The following BAG6 variants were observed in gnomAD, a reference collection of about 807,000 sequenced individuals.
BAG6 encodes BAG cochaperone 6, also known as large proline-rich protein BAG6.
In BAG6, 22 loss-of-function variants were observed where a neutral mutation model predicts 121.0. The observed-to-expected ratio is 0.18, with a 90% CI of 0.13 to 0.26. The LOEUF is 0.26. Ranked by LOEUF, BAG6 falls within the 10% of genes least tolerant of loss-of-function variation. The pLI is 1.00. For missense variants in BAG6, 1,233 were observed against 1,537.7 expected, an observed-to-expected ratio of 0.80 and a Z score of 3.31; for synonymous variants, 583 against 584.6, an observed-to-expected ratio of 1.00 and a Z score of 0.04.
At position 31,644,882 on chromosome 6, in the gene BAG6, A is replaced by G; in HGVS notation, c.1369+64T>C. 6.5e-7 allele frequency: 1 copy of G among 1,535,882 alleles called. No homozygotes were observed. The highest frequency in any genetic ancestry group is 8.8e-7 in the Non-Finnish European group (1 of 1,142,050). On this transcript the variant is annotated intron_variant, in intron 10 of 25. Coordinates refer to ENST00000676615, the MANE Select transcript of BAG6 (RefSeq NM_001387994.1). This position sits in a 1 kb window ranked among gnomAD's most constrained non-coding sequence, Gnocchi z 4.9. ...TCTCCCTTCCCCACCCTGTTCCCTC[A>G]CACCTCAGCATGAACCTCCCTCATC...
Position 31,639,123 on chromosome 6 carries a change from G to A in BAG6, c.*8C>T. The A allele has an allele frequency of 7.2e-7, 1 of 1,389,886 alleles. No individual in the cohort carries two copies. Among genetic ancestry groups the A allele is most frequent in the South Asian group, 1.2e-5 (1 of 85,520 alleles). The allele number at this position is 1,389,886 out of a possible 1,614,324, so 86.1% of individuals were successfully genotyped here. On this transcript the variant is annotated 3_prime_UTR_variant, in exon 26 of 26. Coordinates refer to ENST00000676615, the MANE Select transcript of BAG6 (RefSeq NM_001387994.1). ...TCCCCTGATGAGGAAGGGCCATAGA[G>A]CAAAGAGCTAAGGATCATCAGCAAA...
At chr6:31,651,844 G>C in intron 1 of BAG6, 68 bp from the exon 2 acceptor site, 1 of 1,175,366 alleles carries the variant, frequency 8.5e-7, no homozygotes. Context: ...AGACTCCCTA[G>C]CATTAATCCC....
Position 31,644,271 on chromosome 6 carries a change from G to A in BAG6, c.1555+36C>T. On this transcript the variant is annotated intron_variant, in intron 12 of 25. Transcript: ENST00000676615. The surrounding 1 kb of genome is among the most constrained non-coding windows in gnomAD (Gnocchi z 4.9). ...CCAGCCAGCTGCCACCATGGACTGT[G>A]CCCTACCTCCCAAGCCTCCCCTTCC... 6.4e-7 allele frequency: 1 copy of A among 1,557,424 alleles called. No individual in the cohort carries two copies.
rs745477206 is a variant in BAG6, at chr6:31,649,357, G to C, written c.265C>G (p.Pro89Ala). The C allele has an allele frequency of 6.2e-7, 1 of 1,610,478 alleles. No individual in the cohort carries two copies. Among genetic ancestry groups the C allele is most frequent in the East Asian group, 2.2e-5 (1 of 44,864 alleles). Residue 89 changes from proline (P) to alanine (A), a missense_variant, in exon 4 of 26, where the codon CCT (proline) becomes GCT (alanine). Physicochemically the swap from Pro to Ala is conservative, Grantham distance 27 (BLOSUM62 -1). Around this residue, in one of 7 missense-constraint regions of BAG6, gnomAD observed 777 missense variants for 861.4 expected, o/e 0.90. Coordinates refer to ENST00000676615, the MANE Select transcript of BAG6 (RefSeq NM_001387994.1). ...CCAGAAGGGAGGTGAGTCTGAGGAG[G>C]AGCCCGTTCCACCAGGTGGATAACC... ...GKVIHLVERA[P>A]PQTHLPSGAS...
chr6:31,642,636 T>C (rs1389528536), intron 15 of BAG6, 193 bp downstream of exon 15: 13 of 738,404 alleles, frequency 1.8e-5, no homozygotes, highest in Non-Finnish European at 2.4e-5. Context: ...CTAATTACTA[T>C]ACTTTCTTTT....
chr6:31,639,557 G>C lies in BAG6; in HGVS notation c.3336C>G (p.Pro1112=). 1.9e-6 allele frequency: 3 copies of C among 1,614,134 alleles called. No individual in the cohort carries two copies. The South Asian group carries it at 3.3e-5, about 18-fold the overall frequency. The change falls in exon 25 of 26, where the codon CCC becomes CCG. Residue 1112 remains proline, a synonymous_variant. Transcript: ENST00000676615. ...CCTCCAGGTCCCGGCTCAGGCTCTC[G>C]GGGCTCGTCAGGGGCCGAGCTCCGG... ...KAAGARPLTS[P]ESLSRDLEAP...
chr6:31,643,439 G>C (rs1228304963), intron 14 of BAG6, among the ~76,000 whole-genome samples: 1 of 150,368 alleles, frequency 6.7e-6, no homozygotes, highest in Non-Finnish European at 1.5e-5. Context: ...AAAGAAAAAA[G>C]CTGGCCGGGC....
rs763307225 is a variant in BAG6 at position 31,639,527 on chromosome 6, T to C, written c.3366A>G (p.Pro1122=). Residue 1122 remains proline, a synonymous_variant, in exon 25 of 26, where the codon CCA becomes CCG. Transcript: ENST00000676615. ...PESLSRDLEA[P]EVQESYRQQL... is the part of the protein sequence containing the mutation. ...GCTGCCTGTAGCTCTCCTGAACCTC[T>C]GGTGCCTCCAGGTCCCGGCTCAGGC... 64 of 1,614,130 alleles carry C rather than the reference T, an allele frequency of 4.0e-5. No individual in the cohort carries two copies. The highest frequency in any genetic ancestry group is 2.2e-4 in the South Asian group (20 of 91,072).
Position 31,645,472 on chromosome 6 carries a change from C to G in BAG6, c.1051G>C (p.Val351Leu). 6.2e-7 allele frequency: 1 copy of G among 1,613,116 alleles called. No individual in the cohort carries two copies. Among genetic ancestry groups the G allele is most frequent in the Non-Finnish European group, 8.5e-7 (1 of 1,180,038 alleles). ...GTGTAGTGAGACATAGGCCGGACCA[C>G]ATGCAGGTGTCGTGGGGGCGTGCAG... ...LACTPPRHLH[V>L]VRPMSHYTTP... The change falls in exon 9 of 26, where the codon GTG becomes CTG. Residue 351 changes from valine to leucine, a missense_variant. Val to Leu is a conservative substitution (Grantham distance 32). Transcript: ENST00000676615.
At position 31,645,070 on chromosome 6, in the gene BAG6, C is replaced by T; in HGVS notation, c.1245G>A (p.Glu415=). ...GCGGGGGAGCCCCCTCAGCTGAGGA[C>T]TCGACATTGGTAGAAGACGGAGCCA... ...SSVAPSSTNV[E]SSAEGAPPPG... The change falls in exon 10 of 26, where the codon GAG becomes GAA. Residue 415 remains glutamate (E), a synonymous_variant. Transcript: ENST00000676615. 1 of 1,612,936 alleles carries T rather than the reference C, an allele frequency of 6.2e-7. No individual in the cohort carries two copies.
chr6:31,639,083 A>C lies in BAG6; in HGVS notation c.*48T>G. 6.8e-7 allele frequency: 1 copy of C among 1,480,102 alleles called. No individual in the cohort carries two copies. The highest frequency in any genetic ancestry group is 9.3e-7 in the Non-Finnish European group (1 of 1,072,568). The allele number at this position is 1,480,102 out of a possible 1,614,324, so 91.7% of individuals were successfully genotyped here. On this transcript the variant is annotated 3_prime_UTR_variant, in exon 26 of 26. Coordinates refer to ENST00000676615, the MANE Select transcript of BAG6 (RefSeq NM_001387994.1). ...TTTATTTCTTAAATACTGTGAAGGA[A>C]GAGGGGGGAAACGGTCCCCTGATGA...
chr6:31,644,569 G>A lies in BAG6; in HGVS notation c.1403C>T (p.Ala468Val). The change falls in exon 11 of 26, where the codon GCT becomes GTT. Residue 468 changes from alanine to valine, a missense_variant. Ala to Val is a moderately conservative substitution (Grantham distance 64). Around this residue, in one of 7 missense-constraint regions of BAG6, gnomAD observed 777 missense variants for 861.4 expected, o/e 0.90. Transcript: ENST00000676615. The surrounding 1 kb of genome is among the most constrained non-coding windows in gnomAD (Gnocchi z 4.9). ...AGGGGGTCCCAGGGGGCCAGTGGGA[G>A]CACTCGGAACACCACCAGGCTGTGT... ...SGTQPGGVPS[A>V]PTGPLGPPGH... 1 of 1,612,646 alleles carries A rather than the reference G, an allele frequency of 6.2e-7. No homozygotes were observed. Among genetic ancestry groups the A allele is most frequent in the East Asian group, 2.2e-5 (1 of 44,878 alleles).
At chr6:31,639,343 T>G in intron 25 of BAG6, 117 bp from the exon 26 acceptor site, 1 of 1,437,364 alleles carries the variant, frequency 7.0e-7, no homozygotes, top group Non-Finnish European at 9.6e-7. Context: ...CACTGTCAAA[T>G]AGCCCGGGGT....
In BAG6 at chr6:31,640,581, C is replaced by A; in HGVS notation, c.2995-53G>T. The A allele has an allele frequency of 6.2e-7, 1 of 1,612,658 alleles. No individual in the cohort carries two copies. ...GGCTTCAGAATTTTTAGCCTCCAAA[C>A]CTTTCTCCCCCAGCCCTCCACTCCA... is the stretch of plus-strand genomic sequence containing the variant. On this transcript the variant is annotated intron_variant, in intron 22 of 25. Transcript: ENST00000676615. The surrounding 1 kb of genome is among the most constrained non-coding windows in gnomAD (Gnocchi z 4.2).
chr6:31,643,185 G>T, intron 14 of BAG6, 70 bp from the exon 15 acceptor site: 1 of 1,478,926 alleles, frequency 6.8e-7, no homozygotes, highest in East Asian at 2.5e-5. Flanking sequence ...AGCAACTTTG[G>T]GAGGCCAAGG....
At position 31,648,915 on chromosome 6, in the gene BAG6, A is replaced by G; in HGVS notation, c.473T>C (p.Ile158Thr). ...CCCTCGGAGGCCCCTCAATACCTGA[A>G]TCGGGGCCTGTTCCATGTTGATGTG... is the stretch of plus-strand genomic sequence containing the variant. ...DVHINMEQAP[I>T]QSEPRVRLVM... The change falls in exon 5 of 26, where the codon ATT becomes ACT. Residue 158 changes from isoleucine (I) to threonine (T), a missense_variant. Coordinates refer to ENST00000676615, the MANE Select transcript of BAG6 (RefSeq NM_001387994.1). 6.5e-7 allele frequency: 1 copy of G among 1,537,176 alleles called. No individual in the cohort carries two copies. Among genetic ancestry groups the G allele is most frequent in the Non-Finnish European group, 8.7e-7 (1 of 1,143,494 alleles).
chr6:31,640,111 G>A lies in BAG6; in HGVS notation c.3246+88C>T. 7.6e-7 allele frequency: 1 copy of A among 1,323,834 alleles called. No homozygotes were observed. Among genetic ancestry groups the A allele is most frequent in the South Asian group, 1.2e-5 (1 of 82,182 alleles). The allele number at this position is 1,323,834 out of a possible 1,614,324, so 82.0% of individuals were successfully genotyped here. A position where few individuals can be genotyped will look rare whatever the true frequency, so the allele number is the denominator to read the frequency against. ...GAGGGGAGGGGAGACTGAATAACAA[G>A]AGCTCCCACCATCTCTACATAGTTT... is the stretch of plus-strand genomic sequence containing the variant. On this transcript the variant is annotated intron_variant, in intron 24 of 25. Coordinates refer to ENST00000676615, the MANE Select transcript of BAG6 (RefSeq NM_001387994.1). This position sits in a 1 kb window ranked among gnomAD's most constrained non-coding sequence, Gnocchi z 4.2.
intron 25 of BAG6, 39 bp downstream of exon 25, chr6:31,639,461 C>T (rs1442143435): frequency 6.3e-7 from 1 of 1,591,762 alleles, no homozygotes; most frequent in Admixed American, 1.7e-5. Context: ...AGCCCAACCC[C>T]TCCCACTAGA....
chr6:31,645,391 A>T lies in BAG6; in HGVS notation c.1116+16T>A, dbSNP rs779256592. Reference sequence around the variant, plus strand: ...CACCCCTCACTCTCCCTCAGGCCAGACTCCCCCTAACCCACCTGTATGGGA... The same window carrying T: ...CACCCCTCACTCTCCCTCAGGCCAGTCTCCCCCTAACCCACCTGTATGGGA... On this transcript the variant is annotated intron_variant, in intron 9 of 25. Coordinates refer to ENST00000676615, the MANE Select transcript of BAG6 (RefSeq NM_001387994.1). 1 of 1,612,518 alleles carries T rather than the reference A, an allele frequency of 6.2e-7. No individual in the cohort carries two copies. The highest frequency in any genetic ancestry group is 1.3e-5 in the African/African-American group (1 of 74,734).
Sources: allele counts gnomAD v4.1 joint callset (sites outside exome capture counted in the v4.1 genomes callset), GRCh38; gene constraint gnomAD v4.1.1; regional missense constraint gnomAD v4.1.1; non-coding constraint Gnocchi (gnomAD v3.1); transcripts MANE v1.5; gene names NCBI Gene and HGNC (gene_info 2026-07-23, HGNC 2026-07-21).